The following PRKAR1A variants were observed in gnomAD, a reference collection of about 807,000 sequenced individuals.
The protein encoded by PRKAR1A is protein kinase cAMP-dependent type I regulatory subunit alpha, also known as cAMP-dependent protein kinase type I-alpha regulatory subunit.
PRKAR1A carries 3 observed loss-of-function variants against 52.0 expected under a neutral mutation model. The observed-to-expected ratio is 0.06, with a 90% CI of 0.03 to 0.15. The LOEUF is 0.15. Among genes scored for constraint, PRKAR1A ranks in the 10% least tolerant of loss-of-function variants. The probability of loss-of-function intolerance (pLI) is 1.00; values close to 1 mark genes in which losing one functional copy is unlikely to be tolerated. For missense variants in PRKAR1A, 240 were observed against 477.4 expected (o/e 0.50, Z 4.63); for synonymous variants, 188 against 168.4 (o/e 1.12, Z -0.90).
At chr17:68,462,133 A>G in the PRKAR1A span, among the ~76,000 whole-genome samples, 1 of 152,200 alleles carries the variant, frequency 6.6e-6, no homozygotes, top group African/African-American at 2.4e-5. Context: ...GAGTCAGGAA[A>G]AATGTTATTT....
At chr17:68,450,685 C>T in the PRKAR1A span, 10 of 1,563,020 alleles carry the variant, frequency 6.4e-6, no homozygotes, top group Admixed American at 2.0e-5. Flanking sequence ...GTTTGGCTCC[C>T]GTTAGCAGAA....
chr17:68,481,807 T>C, the PRKAR1A span, among the ~76,000 whole-genome samples: 1 of 152,218 alleles, frequency 6.6e-6, no homozygotes, highest in Admixed American at 6.5e-5. Context: ...GAATAGACCA[T>C]GTCAAAGCCA....
chr17:68,506,295 T>C, the PRKAR1A span, among the ~76,000 whole-genome samples: 3 of 152,092 alleles, frequency 2.0e-5, no homozygotes, highest in African/African-American at 7.2e-5. Flanking sequence ...TTAGTTCCTC[T>C]ACCTGAAATA....
rs2085956306 is a variant in PRKAR1A at position 68,530,882 on chromosome 17, G to A, written c.*433G>A. 1 of 1,134,936 alleles carries A rather than the reference G, an allele frequency of 8.8e-7. No homozygotes were observed. 70.3% of individuals were successfully genotyped at this position (1,134,936 alleles called of 1,614,324 possible). On this transcript the variant is annotated 3_prime_UTR_variant, in exon 11 of 11. Transcript: ENST00000589228. ...GCTGTATTTCTTTGTAGAATAAATG[G>A]TTTCTCATTAAACTCTAAAGATTAG...
chr17:68,449,556 T>C, the PRKAR1A span, among the ~76,000 whole-genome samples: 4 of 152,124 alleles, frequency 2.6e-5, no homozygotes, highest in Admixed American at 2.6e-4. Context: ...TTTAGTACCA[T>C]CCCCCACCAT....
At chr17:68,499,567 C>G in the PRKAR1A span, among the ~76,000 whole-genome samples, 2 of 152,236 alleles carry the variant, frequency 1.3e-5, no homozygotes, top group Non-Finnish European at 2.9e-5. Context: ...GGGTTGCTTA[C>G]TACAGCTCAC....
At chr17:68,428,911 C>T in the PRKAR1A span, 1 of 1,613,976 alleles carries the variant, frequency 6.2e-7, no homozygotes, top group African/African-American at 1.3e-5. Flanking sequence ...GATGACGCAA[C>T]TAGCAGCCGT....
At chr17:68,482,163 C>T in the PRKAR1A span, among the ~76,000 whole-genome samples, 3 of 152,040 alleles carry the variant, frequency 2.0e-5, no homozygotes, top group Non-Finnish European at 2.9e-5. Flanking sequence ...AGATGAGTGG[C>T]GGTGAGTAGG....
At position 68,531,483 on chromosome 17, in the gene PRKAR1A, G is replaced by C; in HGVS notation, c.*1034G>C. 1.1e-5 allele frequency: 12 copies of C among 1,066,310 alleles called. No individual in the cohort carries two copies. The highest frequency in any genetic ancestry group is 1.4e-5 in the Non-Finnish European group (12 of 879,626). The allele number at this position is 1,066,310 out of a possible 1,614,324, so 66.1% of individuals were successfully genotyped here. On this transcript the variant is annotated 3_prime_UTR_variant, in exon 11 of 11. Transcript: ENST00000589228. ...AAGGGAGAAATGCCAGGCGGACAAA[G>C]TTCAGTGTCGGGAATTTTCCCCGTG...
downstream of PRKAR1A, chr17:68,536,806 A>T: frequency 2.2e-6 from 1 of 453,836 alleles, no homozygotes; most frequent in South Asian, 1.6e-5. Context: ...ATGTTATTTC[A>T]ATTGTAATAC....
the PRKAR1A span, chr17:68,435,651 G>C: frequency 3.1e-6 from 5 of 1,614,124 alleles, no homozygotes; most frequent in Non-Finnish European, 4.2e-6. Flanking sequence ...TTTGGAGCCT[G>C]AGGCATTGAA....
At chr17:68,527,576 G>C in intron 7 of PRKAR1A, 1 of 428,672 alleles carries the variant, frequency 2.3e-6, no homozygotes, top group South Asian at 2.2e-5. Context: ...GAAATGCTTT[G>C]TGAAATATGT....
chr17:68,532,186 A>G lies in PRKAR1A; in HGVS notation c.*1737A>G, dbSNP rs1425235554. ...GGTTTCTGATCTGTACTTTGTGTTTAGCTACCTTTTTATATTTAAAAAATT... is the reference window on the plus strand; with the variant it reads ...GGTTTCTGATCTGTACTTTGTGTTTGGCTACCTTTTTATATTTAAAAAATT... On this transcript the variant is annotated 3_prime_UTR_variant, in exon 11 of 11. Transcript: ENST00000589228. 9.6e-7 allele frequency: 1 copy of G among 1,041,108 alleles called. No homozygotes were observed. The highest frequency in any genetic ancestry group is 5.1e-5 in the East Asian group (1 of 19,664). The allele number at this position is 1,041,108 out of a possible 1,614,324, so 64.5% of individuals were successfully genotyped here.
Position 68,532,658 on chromosome 17 carries a change from T to G in PRKAR1A, c.*2209T>G. The G allele has an allele frequency of 9.4e-7, 1 of 1,066,402 alleles. No individual in the cohort carries two copies. The highest frequency in any genetic ancestry group is 1.1e-6 in the Non-Finnish European group (1 of 879,688). The allele number at this position is 1,066,402 out of a possible 1,614,324, so 66.1% of individuals were successfully genotyped here. ...TGGCCAAAGGACCGTTTTGTATTGC[T>G]TCCTGATTACCAGTCTGATTATACC... On this transcript the variant is annotated 3_prime_UTR_variant, in exon 11 of 11. Transcript: ENST00000589228.
the PRKAR1A span, among the ~76,000 whole-genome samples, chr17:68,425,157 G>T: frequency 6.6e-6 from 1 of 152,186 alleles, no homozygotes; most frequent in Non-Finnish European, 1.5e-5. Flanking sequence ...AAAGGTGCTC[G>T]GGCAAGCTCC....
chr17:68,509,883 C>T (rs116937160), upstream of PRKAR1A, among the ~76,000 whole-genome samples: 180 of 152,238 alleles, frequency 1.2e-3, no homozygotes, highest in East Asian at 0.016. Context: ...GCTGGACTGG[C>T]GCCTGCATGC....
At chr17:68,522,613 T>G in intron 2 of PRKAR1A, 143 bp from the exon 3 acceptor site, 1 of 878,060 alleles carries the variant, frequency 1.1e-6, no homozygotes, top group Non-Finnish European at 1.8e-6. Flanking sequence ...TTTTTCCCCT[T>G]TGGAATTGGT....
intron 11 of PRKAR1A, chr17:68,540,650 GAGCTTCTT>G (rs1221357553): frequency 5.6e-6 from 4 of 712,130 alleles, no homozygotes; most frequent in Non-Finnish European, 7.4e-6. Context: ...ACGACCCCTT[GAGCTTCTT>G]CCAGTTCTTT....
chr17:68,422,177 C>G, the PRKAR1A span: 1 of 206,638 alleles, frequency 4.8e-6, no homozygotes, highest in African/African-American at 2.3e-5. Flanking sequence ...CCTGTAATCC[C>G]AGAACTTTGG....
Sources: gnomAD v4.1 joint callset for allele counts (sites outside exome capture counted in the v4.1 genomes callset) on GRCh38, gnomAD v4.1.1 for gene constraint, MANE v1.5 for transcripts, NCBI Gene and HGNC (gene_info 2026-07-23, HGNC 2026-07-21) for gene names.